Variants in SLC52A3 observed in about 807,000 individuals in gnomAD.
SLC52A3 encodes the protein solute carrier family 52, riboflavin transporter, member 3.
SLC52A3 carries 20 observed loss-of-function variants against 29.5 expected under a neutral mutation model. That is an observed-to-expected ratio of 0.68 (90% CI 0.48 to 0.99). The LOEUF is 0.99. SLC52A3 is among the 50% of genes least tolerant of loss of function. The pLI is 0.00. For synonymous variants in SLC52A3, 301 were observed against 271.0 expected, an observed-to-expected ratio of 1.11 and a Z score of -1.09; for missense variants, 548 against 612.9, an observed-to-expected ratio of 0.89 and a Z score of 1.12.
chr20:763,510 A>G lies in SLC52A3; in HGVS notation c.1061T>C (p.Phe354Ser). Reference sequence around the variant, plus strand: ...GATGAGGGCACACCTGTTAGGCAGGAACATGGAGACCAACGAGGCAAGAGG... The same window carrying G: ...GATGAGGGCACACCTGTTAGGCAGGGACATGGAGACCAACGAGGCAAGAGG... ...ANPLASLVSM[F>S]LPNRSLLFLG... The change falls in exon 3 of 5, where the codon TTC becomes TCC. Residue 354 changes from phenylalanine to serine, a missense_variant. By Grantham distance (155) the Phe-to-Ser change is radical. This residue lies in a region of SLC52A3 where 375 missense variants were observed against 471.1 expected (regional missense o/e 0.80). Transcript: ENST00000645534. 1 of 1,614,058 alleles carries G rather than the reference A, an allele frequency of 6.2e-7. No homozygotes were observed. Among genetic ancestry groups the G allele is most frequent in the Non-Finnish European group, 8.5e-7 (1 of 1,179,964 alleles).
At chr20:777,265 CAAAAAACAAAA>C (rs1270257046), upstream of SLC52A3, among the ~76,000 whole-genome samples, 3 of 24,846 alleles carry the variant, frequency 1.2e-4, no homozygotes, top group African/African-American at 2.3e-4. Context: ...AACAAACAAA[CAAAAAACAAAA>C]AAAAAACACC....
Position 761,116 on chromosome 20 carries a change from C to A in SLC52A3, c.1320G>T (p.Ser440=), listed in dbSNP as rs138169890. The part of the protein sequence containing the change: ...LWCGAAVQLG[S]LLGALLMFPL... Reference sequence around the variant, plus strand: ...GGAACATGAGCAGCGCTCCGAGCAGCGAGCCCAGCTGCACCGCCGCCCCGC... The same window carrying A: ...GGAACATGAGCAGCGCTCCGAGCAGAGAGCCCAGCTGCACCGCCGCCCCGC... Residue 440 remains serine, a synonymous_variant, in exon 5 of 5, where the codon TCG becomes TCT. Transcript: ENST00000645534. 1 of 1,602,250 alleles carries A rather than the reference C, an allele frequency of 6.2e-7. No homozygotes were observed. The highest frequency in any genetic ancestry group is 1.3e-5 in the African/African-American group (1 of 74,736).
Position 763,958 on chromosome 20 carries a change from G to A in SLC52A3, c.613C>T (p.Pro205Ser). ...LVSALPGMEAPLSHLESRYLP... is the reference protein window; with the variant it reads ...LVSALPGMEASLSHLESRYLP... ...TAGCGGCTCTCCAGGTGGGACAAGG[G>A]TGCTTCCATTCCGGGGAGGGCGGAC... Residue 205 changes from proline to serine, a missense_variant, in exon 3 of 5, where the codon CCC becomes TCC. Pro to Ser is a moderately conservative substitution (Grantham distance 74). Coordinates refer to ENST00000645534, the MANE Select transcript of SLC52A3 (RefSeq NM_033409.4). 2 of 1,610,430 alleles carry A rather than the reference G, an allele frequency of 1.2e-6. No individual in the cohort carries two copies. Among genetic ancestry groups the A allele is most frequent in the South Asian group, 2.2e-5 (2 of 90,606 alleles).
At chr20:776,323 G>A (rs528165589), upstream of SLC52A3, among the ~76,000 whole-genome samples, 3 of 152,270 alleles carry the variant, frequency 2.0e-5, no homozygotes, top group African/African-American at 7.2e-5. Flanking sequence ...TTCAAATACT[G>A]GTGCTTCAGT....
Position 760,713 on chromosome 20 carries a change from CG to C in SLC52A3, c.*312del, listed in dbSNP as rs1568715460. 2.4e-6 allele frequency: 1 copy of C among 411,998 alleles called. No homozygotes were observed. Among genetic ancestry groups the C allele is most frequent in the Non-Finnish European group, 4.4e-6 (1 of 227,698 alleles). 25.5% of individuals were successfully genotyped at this position (411,998 alleles called of 1,614,324 possible). On this transcript the variant is annotated 3_prime_UTR_variant, in exon 5 of 5. Transcript: ENST00000645534. This position sits in a 1 kb window ranked among gnomAD's most constrained non-coding sequence, Gnocchi z 4.9. ...AGGTCACACAGCCTGAAGGGACAGC[CG>C]GCTGTCCCAGCTGTTTCCCTTCTAA...
At position 763,592 on chromosome 20, in the gene SLC52A3, G is replaced by A. The variant is rs774366292; in HGVS notation, c.979C>T (p.Leu327=). 11 of 1,614,212 alleles carry A rather than the reference G, an allele frequency of 6.8e-6. No homozygotes were observed. In the Admixed American group the frequency reaches 1.7e-4, roughly 24 times the overall value. Reference sequence around the variant, plus strand: ...TGGTAGGCAACTGGCCCATAGGACAGGCAGGAGTAGGTCTGCACAGAGGGC... The same window carrying A: ...TGGTAGGCAACTGGCCCATAGGACAAGCAGGAGTAGGTCTGCACAGAGGGC... ...MLPSVQTYSC[L]SYGPVAYHLA... is the part of the protein sequence containing the mutation. Residue 327 remains leucine, a synonymous_variant, in exon 3 of 5, where the codon CTG becomes TTG. Coordinates refer to ENST00000645534, the MANE Select transcript of SLC52A3 (RefSeq NM_033409.4).
In SLC52A3 at chr20:761,627, G is replaced by A. The variant is rs774564100; in HGVS notation, c.1197+74C>T. On this transcript the variant is annotated intron_variant, in intron 4 of 4. Transcript: ENST00000645534. Reference sequence around the variant, plus strand: ...GACCCCGCTCGCTGGAAAGGGCCGCGCCCAAGCTCTCCCAGGCCTTGGCTA... The same window carrying A: ...GACCCCGCTCGCTGGAAAGGGCCGCACCCAAGCTCTCCCAGGCCTTGGCTA... The A allele has an allele frequency of 1.0e-5, 16 of 1,595,956 alleles. No individual in the cohort carries two copies. The East Asian group carries it at 1.6e-4, about 16-fold the overall frequency.
At chr20:774,835 G>A (rs888026377) in intron 1 of SLC52A3, among the ~76,000 whole-genome samples, 2 of 152,164 alleles carry the variant, frequency 1.3e-5, no homozygotes, top group Admixed American at 6.5e-5. Flanking sequence ...GTGCTTCCCC[G>A]AACCCTGCCC....
Position 765,576 on chromosome 20 carries a change from T to A in SLC52A3, c.199A>T (p.Ser67Cys), listed in dbSNP as rs1022370676. ...LVTLLHHFRP[S>C]CLSEVPIIFT... ...ATGATGGGCACTTCGGAAAGGCAGC[T>A]GGGCCGGAAGTGATGGAGCAGGGTG... Residue 67 changes from serine to cysteine, a missense_variant, in exon 2 of 5, where the codon AGC (serine) becomes TGC (cysteine). Physicochemically the swap from Ser to Cys is moderately radical, Grantham distance 112. Transcript: ENST00000645534. The surrounding 1 kb of genome is among the most constrained non-coding windows in gnomAD (Gnocchi z 6.6). The A allele has an allele frequency of 2.5e-6, 4 of 1,583,874 alleles. No individual in the cohort carries two copies. The African/African-American group carries it at 5.4e-5, about 21-fold the overall frequency.
At chr20:777,816 A>G (rs1203695971), upstream of SLC52A3, among the ~76,000 whole-genome samples, 1 of 152,100 alleles carries the variant, frequency 6.6e-6, no homozygotes, top group African/African-American at 2.4e-5. Flanking sequence ...GACTCTGGGA[A>G]ACCAGAATGT....
rs369950335 is a variant in SLC52A3 at position 765,193 on chromosome 20, G to T, written c.567+15C>A. 145 of 1,613,924 alleles carry T rather than the reference G, an allele frequency of 9.0e-5. No homozygotes were observed. Among genetic ancestry groups the T allele is most frequent in the Non-Finnish European group, 1.1e-4 (132 of 1,179,948 alleles). On this transcript the variant is annotated intron_variant, in intron 2 of 4. Transcript: ENST00000645534. The surrounding 1 kb of genome is among the most constrained non-coding windows in gnomAD (Gnocchi z 6.6). ...AAAGCCAAGTGCTGAGATGGCTCCGGGTGATGCTGGGTACCTGTGCGATGT... is the reference window on the plus strand; with the variant it reads ...AAAGCCAAGTGCTGAGATGGCTCCGTGTGATGCTGGGTACCTGTGCGATGT...
chr20:772,587 GTTT>G (rs11475216), upstream of SLC52A3, among the ~76,000 whole-genome samples: 750 of 147,712 alleles, frequency 5.1e-3, 13 homozygotes, highest in African/African-American at 0.017. Context: ...TGTATTTTCT[GTTT>G]TTTTTTTTTT....
In SLC52A3 at chr20:760,683, T is replaced by C; in HGVS notation, c.*343A>G. ...CAGGCACAGAGAAGCCAAATGACTTTCCCAAGGTCACACAGCCTGAAGGGA... is the reference window on the plus strand; with the variant it reads ...CAGGCACAGAGAAGCCAAATGACTTCCCCAAGGTCACACAGCCTGAAGGGA... On this transcript the variant is annotated 3_prime_UTR_variant, in exon 5 of 5. Coordinates refer to ENST00000645534, the MANE Select transcript of SLC52A3 (RefSeq NM_033409.4). The surrounding 1 kb of genome is among the most constrained non-coding windows in gnomAD (Gnocchi z 4.9). 1 of 327,124 alleles carries C rather than the reference T, an allele frequency of 3.1e-6. No individual in the cohort carries two copies. Among genetic ancestry groups the C allele is most frequent in the Non-Finnish European group, 5.7e-6 (1 of 176,256 alleles). The allele number at this position is 327,124 out of a possible 1,614,324, so 20.3% of individuals were successfully genotyped here. A position where few individuals can be genotyped will look rare whatever the true frequency, so the allele number is the denominator to read the frequency against.
intron 4 of SLC52A3, 172 bp downstream of exon 4, chr20:761,529 A>G: frequency 1.0e-6 from 1 of 984,890 alleles, no homozygotes; most frequent in Non-Finnish European, 1.5e-6. Context: ...AGTCACCTCG[A>G]TTCCCTAAGC....
rs756945193 is a variant in SLC52A3, at chr20:765,316, G to T, written c.459C>A (p.Ala153=). The T allele has an allele frequency of 6.2e-7, 1 of 1,614,104 alleles. No individual in the cohort carries two copies. The highest frequency in any genetic ancestry group is 1.7e-5 in the Admixed American group (1 of 60,012). The change falls in exon 2 of 5, where the codon GCC becomes GCA. Residue 153 remains alanine (A), a synonymous_variant. Coordinates refer to ENST00000645534, the MANE Select transcript of SLC52A3 (RefSeq NM_033409.4). This position sits in a 1 kb window ranked among gnomAD's most constrained non-coding sequence, Gnocchi z 6.6. ...VGEGLSGLLP[A]LVALAQGSGL... ...CGGAGCCCTGGGCAAGAGCCACCAG[G>T]GCGGGCAAGAGGCCGCTGAGTCCTT...
chr20:776,983 C>G (rs1415855113), upstream of SLC52A3, among the ~76,000 whole-genome samples: 1 of 152,014 alleles, frequency 6.6e-6, no homozygotes, highest in Admixed American at 6.6e-5. Flanking sequence ...TGCCTGTAAT[C>G]CCAGCACTTT....
chr20:761,872 G>GA (rs1568718275), intron 3 of SLC52A3, 48 bp from the exon 4 acceptor site: 1 of 1,613,126 alleles, frequency 6.2e-7, no homozygotes, highest in East Asian at 2.2e-5. Flanking sequence ...CCTGACCTCT[G>GA]ACCCCCCCGC....
chr20:765,363 G>A lies in SLC52A3; in HGVS notation c.412C>T (p.Leu138Phe). ...CCTTCACCCACAAAGAAGGTGGTGA[G>A]GTAGTAGGTGGGCAGCCGGCTCATG... ...PFMSRLPTYY[L>F]TTFFVGEGLS... The change falls in exon 2 of 5, where the codon CTC (leucine) becomes TTC (phenylalanine). Residue 138 changes from leucine (L) to phenylalanine (F), a missense_variant. Physicochemically the swap from Leu to Phe is conservative, Grantham distance 22. Around this residue, in one of 2 missense-constraint regions of SLC52A3, gnomAD observed 375 missense variants for 471.1 expected, o/e 0.80. Transcript: ENST00000645534. This position sits in a 1 kb window ranked among gnomAD's most constrained non-coding sequence, Gnocchi z 6.6. The A allele has an allele frequency of 6.2e-7, 1 of 1,614,176 alleles. No homozygotes were observed. Among genetic ancestry groups the A allele is most frequent in the Admixed American group, 1.7e-5 (1 of 60,022 alleles).
chr20:765,448 C>T lies in SLC52A3; in HGVS notation c.327G>A (p.Leu109=). The change falls in exon 2 of 5, where the codon TTG becomes TTA. Residue 109 remains leucine (L), a synonymous_variant. Transcript: ENST00000645534. The surrounding 1 kb of genome is among the most constrained non-coding windows in gnomAD (Gnocchi z 6.6). ...CCAGGGCCAGGAAGAAGGTGAGGACCAAGAAGGCGATGCTGTGGTGGCCGT... is the reference window on the plus strand; with the variant it reads ...CCAGGGCCAGGAAGAAGGTGAGGACTAAGAAGGCGATGCTGTGGTGGCCGT... ...VLDGHHSIAF[L]VLTFFLALVD... 6.2e-7 allele frequency: 1 copy of T among 1,611,566 alleles called. No homozygotes were observed. Among genetic ancestry groups the T allele is most frequent in the Non-Finnish European group, 8.5e-7 (1 of 1,178,758 alleles).
Sources: gnomAD v4.1 joint callset for allele counts (sites outside exome capture counted in the v4.1 genomes callset) on GRCh38, gnomAD v4.1.1 for gene constraint, gnomAD v4.1.1 regional missense constraint, Gnocchi (gnomAD v3.1) non-coding constraint, MANE v1.5 for transcripts, NCBI Gene and HGNC (gene_info 2026-07-23, HGNC 2026-07-21) for gene names.